Variants in ZNF143 observed in about 807,000 individuals in gnomAD.
ZNF143 encodes the protein SPH-binding factor.
Under a neutral mutation model 74.1 loss-of-function variants are expected in ZNF143, and 49 were observed. That is an observed-to-expected ratio of 0.66 (90% CI 0.53 to 0.84). ZNF143 has a LOEUF of 0.84. Ranked by LOEUF, ZNF143 falls within the 40% of genes least tolerant of loss-of-function variation. ZNF143 has a pLI of 0.00. For synonymous variants in ZNF143, 304 were observed against 282.8 expected (o/e 1.07, Z -0.75); for missense variants, 637 against 793.4 (o/e 0.80, Z 2.37).
At chr11:9,472,853 T>G in intron 3 of ZNF143, 84 bp downstream of exon 3, 1 of 869,680 alleles carries the variant, frequency 1.1e-6, no homozygotes, top group African/African-American at 1.8e-5. Flanking sequence ...ATACCACCTT[T>G]CCTATGTCTC....
intron 9 of ZNF143, 131 bp downstream of exon 9, chr11:9,496,509 C>G: frequency 2.7e-6 from 2 of 731,172 alleles, no homozygotes; most frequent in Admixed American, 4.4e-5. Flanking sequence ...CAGTCTCTCT[C>G]ATAACTGCCT....
rs189191798 is a variant in ZNF143 at position 9,497,808 on chromosome 11, T to A, written c.967+8T>A. 3 of 1,547,256 alleles carry A rather than the reference T, an allele frequency of 1.9e-6. No homozygotes were observed. Among genetic ancestry groups the A allele is most frequent in the Non-Finnish European group, 2.6e-6 (3 of 1,146,906 alleles). On this transcript the variant is annotated splice_region_variant and intron_variant, in intron 10 of 15. Coordinates refer to ENST00000396602, the MANE Select transcript of ZNF143 (RefSeq NM_003442.6). ...ACATCAGAACTCATACAGGTACTAG[T>A]GGAAACAGAGTGTCAAAATCTTTTT...
intron 7 of ZNF143, among the ~76,000 whole-genome samples, chr11:9,486,445 T>TTATATATATTATATATATATTA: frequency 2.8e-5 from 1 of 35,458 alleles, no homozygotes; most frequent in Admixed American, 5.5e-4. Flanking sequence ...ATATAATATA[T>TTATATATATTATATATATATTA]TATATATATT....
intron 10 of ZNF143, among the ~76,000 whole-genome samples, chr11:9,498,625 T>C (rs1848052029): frequency 1.3e-5 from 2 of 152,172 alleles, no homozygotes; most frequent in Admixed American, 6.5e-5. Context: ...ATTTGATTAC[T>C]TGTGGAGTTG....
rs116697425 is a variant in ZNF143 at position 9,483,929 on chromosome 11, C to T, written c.645+4383C>T. On this transcript the variant is annotated intron_variant, in intron 7 of 15. Coordinates refer to ENST00000396602, the MANE Select transcript of ZNF143 (RefSeq NM_003442.6). ...CATGCACAGCTGACGTTTGTATTTT[C>T]AGTAGAGAGGGGGTTTCACCATGTT... 3.2e-3 allele frequency among the ~76,000 whole-genome samples: 483 copies of T among 150,750 alleles called. 25 individuals are homozygous for T. The highest frequency in any genetic ancestry group is 0.011 in the African/African-American group (433 of 40,484).
intron 3 of ZNF143, 75 bp from the exon 4 acceptor site, chr11:9,473,866 G>C: frequency 6.2e-7 from 1 of 1,612,206 alleles, no homozygotes; most frequent in Non-Finnish European, 8.5e-7. Flanking sequence ...TTTTATAGTT[G>C]ATATCATTTT....
At chr11:9,497,346 C>T (rs750015156) in intron 9 of ZNF143, among the ~76,000 whole-genome samples, 1 of 152,168 alleles carries the variant, frequency 6.6e-6, no homozygotes, top group African/African-American at 2.4e-5. Flanking sequence ...TCTCCTGTCT[C>T]AGCCTCCTGA....
chr11:9,474,595 A>G lies in ZNF143; in HGVS notation c.335A>G (p.Glu112Gly). The change falls in exon 5 of 16, where the codon GAA becomes GGA. Residue 112 changes from glutamate (E) to glycine (G), a missense_variant. This residue lies in a region of ZNF143 where 293 missense variants were observed against 307.8 expected (regional missense o/e 0.95). Coordinates refer to ENST00000396602, the MANE Select transcript of ZNF143 (RefSeq NM_003442.6). The part of the protein sequence containing the change: ...RLEDGQAVQL[E>G]DGTTAFIHHT... ...GAGGATGGTCAAGCAGTACAGTTAG[A>G]AGATGGTACCACAGCATTTATTCAC... 2 of 1,614,224 alleles carry G rather than the reference A, an allele frequency of 1.2e-6. No homozygotes were observed. Among genetic ancestry groups the G allele is most frequent in the Non-Finnish European group, 1.7e-6 (2 of 1,180,044 alleles).
intron 14 of ZNF143, among the ~76,000 whole-genome samples, chr11:9,519,711 T>C (rs1848844211): frequency 6.6e-6 from 1 of 152,204 alleles, no homozygotes; most frequent in Non-Finnish European, 1.5e-5. Flanking sequence ...TGTAGACATA[T>C]ACTCTCATTT....
intron 7 of ZNF143, among the ~76,000 whole-genome samples, chr11:9,487,896 G>C (rs1847622739): frequency 6.6e-6 from 1 of 152,100 alleles, no homozygotes; most frequent in Non-Finnish European, 1.5e-5. Context: ...TTTAGCTTTT[G>C]AGTTTTGGAT....
intron 8 of ZNF143, 48 bp from the exon 9 acceptor site, chr11:9,496,255 T>C (rs755422500): frequency 1.1e-5 from 17 of 1,563,494 alleles, no homozygotes; most frequent in Non-Finnish European, 1.5e-5. Context: ...ACCATCTTCC[T>C]GAGGAATACG....
chr11:9,475,903 A>T (rs12276345), intron 5 of ZNF143, among the ~76,000 whole-genome samples: 56 of 76,238 alleles, frequency 7.3e-4, no homozygotes, highest in Non-Finnish European at 1.7e-3. Context: ...GTCTCAAAAA[A>T]ATATATATGT....
intron 14 of ZNF143, among the ~76,000 whole-genome samples, chr11:9,523,192 G>C (rs994751287): frequency 3.9e-5 from 6 of 151,926 alleles, no homozygotes; most frequent in African/African-American, 1.5e-4. Flanking sequence ...GTTAAATTAC[G>C]TGTTGTGGCT....
rs772412180 is a variant in ZNF143 at position 9,527,561 on chromosome 11, T to C, written c.1865T>C (p.Ile622Thr). 1.2e-6 allele frequency: 2 copies of C among 1,613,994 alleles called. No individual in the cohort carries two copies. The highest frequency in any genetic ancestry group is 2.7e-5 in the African/African-American group (2 of 74,934). ...GAACAGCCATCTCTGGAAGAAGCCA[T>C]CAGAATAGCGTCTAGAATCCAACAA... ...LGEQPSLEEAIRIASRIQQGE... is the reference protein window; with the variant it reads ...LGEQPSLEEATRIASRIQQGE... Residue 622 changes from isoleucine to threonine, a missense_variant, in exon 16 of 16, where the codon ATC becomes ACC. Around this residue, in one of 2 missense-constraint regions of ZNF143, gnomAD observed 344 missense variants for 485.6 expected, o/e 0.71. Coordinates refer to ENST00000396602, the MANE Select transcript of ZNF143 (RefSeq NM_003442.6).
At chr11:9,468,095 C>G (rs2133837651) in intron 1 of ZNF143, among the ~76,000 whole-genome samples, 1 of 152,310 alleles carries the variant, frequency 6.6e-6, no homozygotes, top group South Asian at 2.1e-4. Flanking sequence ...TTTCTTTTCT[C>G]TGCTGCATCT....
chr11:9,502,771 C>G (rs574719009), intron 11 of ZNF143, among the ~76,000 whole-genome samples: 1 of 151,830 alleles, frequency 6.6e-6, no homozygotes, highest in East Asian at 1.9e-4. Context: ...TAAGCAATCA[C>G]GAATCTACTT....
At chr11:9,464,086 T>TTGTGTGTG (rs144501900) in intron 1 of ZNF143, among the ~76,000 whole-genome samples, 82 of 124,124 alleles carry the variant, frequency 6.6e-4, no homozygotes, top group Admixed American at 1.4e-3. Flanking sequence ...GTGTGTGTGT[T>TTGTGTGTG]TGTGTGTGTG....
chr11:9,475,629 G>A (rs922970396), intron 5 of ZNF143, among the ~76,000 whole-genome samples: 2 of 152,136 alleles, frequency 1.3e-5, no homozygotes, highest in African/African-American at 4.8e-5. Context: ...GTTGGCTCAT[G>A]CCTGTAATCC....
intron 1 of ZNF143, among the ~76,000 whole-genome samples, chr11:9,461,433 C>A (rs1013087216): frequency 6.6e-6 from 1 of 152,150 alleles, no homozygotes; most frequent in African/African-American, 2.4e-5. Context: ...CGTTTCTCGG[C>A]CTGACCTCCG....
Sources: allele counts gnomAD v4.1 joint callset (sites outside exome capture counted in the v4.1 genomes callset), GRCh38; gene constraint gnomAD v4.1.1; regional missense constraint gnomAD v4.1.1; transcripts MANE v1.5; gene names NCBI Gene and HGNC (gene_info 2026-07-23, HGNC 2026-07-21).